Variants in PIWIL1 observed in about 807,000 individuals in gnomAD.
PIWIL1 encodes the protein piwi-like protein 1.
In PIWIL1, 73 loss-of-function variants were observed where a neutral mutation model predicts 114.4. That is an observed-to-expected ratio of 0.64 (90% CI 0.53 to 0.78). The LOEUF (loss-of-function observed/expected upper bound fraction) is 0.78. Among genes scored for constraint, PIWIL1 ranks in the 30% least tolerant of loss-of-function variants. The pLI is 0.00. For synonymous variants in PIWIL1, 375 were observed against 369.0 expected, an observed-to-expected ratio of 1.02 and a Z score of -0.19; for missense variants, 723 against 1,063.1, an observed-to-expected ratio of 0.68 and a Z score of 4.45.
At chr12:130,383,962 C>T in the PIWIL1 span, 1 of 152,156 alleles carries the variant, frequency 6.6e-6, no homozygotes, top group Non-Finnish European at 1.5e-5. Context: ...CTTGCTGTTT[C>T]ATATAAAATT....
At chr12:130,411,204 G>T in the PIWIL1 span, among the ~76,000 whole-genome samples, 1 of 152,156 alleles carries the variant, frequency 6.6e-6, no homozygotes, top group Non-Finnish European at 1.5e-5. Flanking sequence ...TGTATCCATT[G>T]ATGTTGCTAC....
chr12:130,378,001 G>C, the PIWIL1 span, among the ~76,000 whole-genome samples: 2 of 152,212 alleles, frequency 1.3e-5, no homozygotes, highest in African/African-American at 4.8e-5. Flanking sequence ...CATTGCTTCT[G>C]ATTTAAATCA....
At chr12:130,392,088 A>C in the PIWIL1 span, among the ~76,000 whole-genome samples, 11 of 91,384 alleles carry the variant, frequency 1.2e-4, no homozygotes, top group South Asian at 4.0e-4. Flanking sequence ...TGGATGCATC[A>C]GTTACCCAGT....
chr12:130,342,093 T>A (rs2072931241), intron 1 of PIWIL1: 1 of 160,238 alleles, frequency 6.2e-6, no homozygotes. Context: ...GGATGACTCA[T>A]TATGTATGCA....
intron 1 of PIWIL1, 34 bp downstream of exon 1, chr12:130,338,180 G>A (rs962475518): frequency 3.3e-5 from 11 of 331,734 alleles, no homozygotes; most frequent in Non-Finnish European, 5.8e-5. Context: ...AGGTGTGCGG[G>A]GGCCGGGATG....
chr12:130,398,726 G>T, the PIWIL1 span: 1 of 152,696 alleles, frequency 6.5e-6, no homozygotes, highest in African/African-American at 2.4e-5. Flanking sequence ...CTTGGGTTAA[G>T]TTTCTAAAGT....
chr12:130,406,163 A>G, the PIWIL1 span: 41 of 1,482,088 alleles, frequency 2.8e-5, no homozygotes, highest in Non-Finnish European at 3.8e-5. Flanking sequence ...TGATATTTCA[A>G]AAACTTACAT....
chr12:130,392,959 C>CCGGT, the PIWIL1 span, among the ~76,000 whole-genome samples: 1 of 100,144 alleles, frequency 1.0e-5, no homozygotes, highest in African/African-American at 3.6e-5. Flanking sequence ...TTGTGATGAC[C>CCGGT]CAGTCACCGT....
At chr12:130,364,263 C>T (rs1487810967) in intron 18 of PIWIL1, among the ~76,000 whole-genome samples, 1 of 152,178 alleles carries the variant, frequency 6.6e-6, no homozygotes, top group African/African-American at 2.4e-5. Context: ...ATTACACACC[C>T]ATTATTCTTG....
At chr12:130,404,154 T>C in the PIWIL1 span, among the ~76,000 whole-genome samples, 1 of 152,104 alleles carries the variant, frequency 6.6e-6, no homozygotes, top group African/African-American at 2.4e-5. Context: ...AGGGAATCGG[T>C]TGATAAGAGA....
intron 1 of PIWIL1, among the ~76,000 whole-genome samples, chr12:130,340,929 C>A (rs150013015): frequency 2.0e-5 from 3 of 152,094 alleles, no homozygotes; most frequent in Non-Finnish European, 4.4e-5. Context: ...GGGTCTTATA[C>A]AATGAATATT....
intron 18 of PIWIL1, among the ~76,000 whole-genome samples, chr12:130,365,732 CT>C (rs1565955310): frequency 6.6e-6 from 1 of 152,180 alleles, no homozygotes; most frequent in Non-Finnish European, 1.5e-5. Context: ...ACCTTATGTC[CT>C]TCCGTTCCTA....
the PIWIL1 span, among the ~76,000 whole-genome samples, chr12:130,389,230 C>T: frequency 0.94 from 142,323 of 152,150 alleles, 66,684 homozygotes; most frequent in Non-Finnish European, 0.96. Flanking sequence ...TTTACACTTA[C>T]ATTCATGATG....
At chr12:130,347,169 T>G in intron 6 of PIWIL1, 107 bp downstream of exon 6, 1 of 834,496 alleles carries the variant, frequency 1.2e-6, no homozygotes, top group Non-Finnish European at 1.9e-6. Flanking sequence ...TGGTTGGGAT[T>G]ATTGAGTTTC....
intron 1 of PIWIL1, among the ~76,000 whole-genome samples, chr12:130,340,337 C>G (rs996551851): frequency 2.6e-5 from 4 of 152,008 alleles, no homozygotes; most frequent in African/African-American, 9.7e-5. Context: ...CTTTTTGGCA[C>G]CAGGGACCGA....
At chr12:130,389,547 C>A in the PIWIL1 span, among the ~76,000 whole-genome samples, 1 of 151,562 alleles carries the variant, frequency 6.6e-6, no homozygotes, top group African/African-American at 2.4e-5. Context: ...CTATTTTTTT[C>A]TGGGTTTTCT....
At chr12:130,354,754 C>A in intron 10 of PIWIL1, 91 bp downstream of exon 10, 2 of 1,491,158 alleles carry the variant, frequency 1.3e-6, no homozygotes, top group Non-Finnish European at 1.8e-6. Context: ...CTTCCCCTTC[C>A]CTCCCCCCAG....
At chr12:130,392,473 G>A in the PIWIL1 span, among the ~76,000 whole-genome samples, 15 of 76,582 alleles carry the variant, frequency 2.0e-4, no homozygotes, top group East Asian at 5.7e-4. Context: ...TGAATGTTGT[G>A]ATGACCCGGT....
the PIWIL1 span, among the ~76,000 whole-genome samples, chr12:130,422,875 C>T: frequency 6.6e-6 from 1 of 152,142 alleles, no homozygotes; most frequent in African/African-American, 2.4e-5. This position sits in a 1 kb window ranked among gnomAD's most constrained non-coding sequence, Gnocchi z 5.2. Context: ...GGCTTGAATA[C>T]ATCCCACCCC....
Sources: gnomAD v4.1 joint callset for allele counts (sites outside exome capture counted in the v4.1 genomes callset) on GRCh38, gnomAD v4.1.1 for gene constraint, Gnocchi (gnomAD v3.1) non-coding constraint, MANE v1.5 for transcripts, NCBI Gene and HGNC (gene_info 2026-07-23, HGNC 2026-07-21) for gene names.